The following SCAI variants were observed in gnomAD, a reference collection of about 807,000 sequenced individuals.
SCAI encodes protein SCAI.
SCAI carries 24 observed loss-of-function variants against 92.2 expected under a neutral mutation model. The ratio of observed to expected loss-of-function variants is 0.26; its 90% CI spans 0.19 to 0.37. The LOEUF is 0.37. Among genes scored for constraint, SCAI ranks in the 10% least tolerant of loss-of-function variants. SCAI has a pLI of 1.00. For missense variants in SCAI, 450 were observed against 736.2 expected (o/e 0.61, Z 4.50); for synonymous variants, 261 against 258.6 (o/e 1.01, Z -0.09).
chr9:125,086,507 T>C (rs1212673832), intron 2 of SCAI, among the ~76,000 whole-genome samples: 1 of 152,204 alleles, frequency 6.6e-6, no homozygotes, highest in Non-Finnish European at 1.5e-5. Context: ...CACCATTCAA[T>C]CTTCTGAGAA....
At chr9:125,054,899 G>A (rs1428759433) in intron 3 of SCAI, among the ~76,000 whole-genome samples, 2 of 152,112 alleles carry the variant, frequency 1.3e-5, no homozygotes, top group East Asian at 1.9e-4. Flanking sequence ...ATTTTAATGC[G>A]GGAGAGACAT....
rs367668741 is a variant in SCAI at position 124,968,682 on chromosome 9, C to T, written c.1674+2688G>A. On this transcript the variant is annotated intron_variant, in intron 17 of 17. Coordinates refer to ENST00000336505, the MANE Select transcript of SCAI (RefSeq NM_001144877.3). ...TACAGAGCCTGGGTGGCCCAAAGTT[C>T]CCGATTTCCTCAAATTCATCAAATA... is the stretch of plus-strand genomic sequence containing the variant. 7.8e-5 allele frequency: 105 copies of T among 1,347,338 alleles called. 4 individuals are homozygous for T. Among genetic ancestry groups the T allele is most frequent in the East Asian group, 4.8e-4 (21 of 43,496 alleles). 83.5% of individuals were successfully genotyped at this position (1,347,338 alleles called of 1,614,324 possible).
At chr9:125,123,934 T>C (rs1417721504) in intron 2 of SCAI, among the ~76,000 whole-genome samples, 3 of 152,156 alleles carry the variant, frequency 2.0e-5, no homozygotes, top group Non-Finnish European at 2.9e-5. Flanking sequence ...CAGGAGAATA[T>C]ATGGAGAGAG....
intron 13 of SCAI, among the ~76,000 whole-genome samples, chr9:124,999,040 A>G (rs1832303231): frequency 6.6e-6 from 1 of 152,148 alleles, no homozygotes; most frequent in African/African-American, 2.4e-5. Flanking sequence ...TAGAAACATC[A>G]TTAAGTACCC....
At chr9:124,963,226 T>A (rs1212654908) in intron 17 of SCAI, among the ~76,000 whole-genome samples, 2 of 151,694 alleles carry the variant, frequency 1.3e-5, no homozygotes, top group African/African-American at 4.8e-5. Flanking sequence ...AACCTCTGCC[T>A]CCCAGGTTCA....
chr9:124,988,870 T>C (rs1832051388), intron 14 of SCAI, among the ~76,000 whole-genome samples: 1 of 152,212 alleles, frequency 6.6e-6, no homozygotes, highest in African/African-American at 2.4e-5. Flanking sequence ...CCAGGCACAG[T>C]GGCTCACGCC....
At chr9:125,065,023 T>G (rs1478737123) in intron 2 of SCAI, among the ~76,000 whole-genome samples, 1 of 152,110 alleles carries the variant, frequency 6.6e-6, no homozygotes, top group East Asian at 1.9e-4. Context: ...GGCTGGCCTT[T>G]AAACACATAC....
intron 2 of SCAI, among the ~76,000 whole-genome samples, chr9:125,095,970 C>T (rs189347195): frequency 1.3e-5 from 2 of 152,222 alleles, no homozygotes; most frequent in East Asian, 1.9e-4. Flanking sequence ...AGTGCTCTGC[C>T]CACATTTCCT....
chr9:124,994,035 ATTTT>A (rs34546893), intron 14 of SCAI, among the ~76,000 whole-genome samples: 2 of 139,080 alleles, frequency 1.4e-5, no homozygotes, highest in African/African-American at 5.3e-5. Context: ...CACTGCTGGC[ATTTT>A]TTTTTTTTTT....
At chr9:125,007,214 A>G (rs1456890674) in intron 9 of SCAI, among the ~76,000 whole-genome samples, 1 of 152,210 alleles carries the variant, frequency 6.6e-6, no homozygotes, top group Non-Finnish European at 1.5e-5. Context: ...TATTAATATG[A>G]TAATTTTAAA....
intron 15 of SCAI, among the ~76,000 whole-genome samples, chr9:124,972,259 C>T (rs1296167381): frequency 3.3e-5 from 5 of 152,074 alleles, no homozygotes; most frequent in Admixed American, 3.3e-4. Context: ...TAGTTTCTTT[C>T]TTTGGCCCCA....
At chr9:125,120,024 G>A (rs967416608) in intron 2 of SCAI, among the ~76,000 whole-genome samples, 10 of 152,124 alleles carry the variant, frequency 6.6e-5, no homozygotes, top group Admixed American at 2.0e-4. Context: ...AACGTGACAC[G>A]TCGTTTGAGC....
intron 3 of SCAI, among the ~76,000 whole-genome samples, chr9:125,044,190 G>A (rs360194): frequency 0.024 from 3,696 of 152,190 alleles, 144 homozygotes; most frequent in African/African-American, 0.084. Context: ...TGACGAGCAT[G>A]GGAGGCGGGC....
intron 2 of SCAI, among the ~76,000 whole-genome samples, chr9:125,106,577 T>A (rs1204036615): frequency 1.3e-5 from 2 of 152,144 alleles, no homozygotes; most frequent in Non-Finnish European, 2.9e-5. Flanking sequence ...GTGTAACAAG[T>A]TGGACACATT....
At chr9:125,046,194 G>GACAT (rs1554784565) in intron 3 of SCAI, among the ~76,000 whole-genome samples, 1 of 15,526 alleles carries the variant, frequency 6.4e-5, no homozygotes, top group Admixed American at 4.5e-4. Flanking sequence ...AAGAAATTGT[G>GACAT]AGATATATAT....
chr9:124,980,295 G>A (rs1302251374), intron 14 of SCAI, among the ~76,000 whole-genome samples: 2 of 149,638 alleles, frequency 1.3e-5, no homozygotes, highest in Admixed American at 6.8e-5. Context: ...CCTTGCTAAC[G>A]AACTTCTCTC....
At chr9:125,115,747 GAATAAA>G (rs1478953226) in intron 2 of SCAI, among the ~76,000 whole-genome samples, 5 of 152,150 alleles carry the variant, frequency 3.3e-5, no homozygotes, top group African/African-American at 1.2e-4. Context: ...AAATGCAAAT[GAATAAA>G]AATAATTTAT....
Position 124,948,541 on chromosome 9 carries a change from G to A in SCAI, c.*4266C>T, listed in dbSNP as rs2131562675. The A allele has an allele frequency of 6.6e-6, 1 of 152,338 alleles. No individual in the cohort carries two copies. The highest frequency in any genetic ancestry group is 1.9e-4 in the East Asian group (1 of 5,190). 9.4% of individuals were successfully genotyped at this position (152,338 alleles called of 1,614,324 possible). ...CAGTCTGAGCTACTGAGAAGACTGG[G>A]CTGAGATGAGGAGATCTGAGTTTTA... On this transcript the variant is annotated 3_prime_UTR_variant, in exon 18 of 18. Coordinates refer to ENST00000336505, the MANE Select transcript of SCAI (RefSeq NM_001144877.3).
At chr9:124,987,372 C>G (rs1832017529) in intron 14 of SCAI, among the ~76,000 whole-genome samples, 1 of 151,988 alleles carries the variant, frequency 6.6e-6, no homozygotes, top group Non-Finnish European at 1.5e-5. Flanking sequence ...ACTACATTAC[C>G]ACAGACAAGG....
Sources: gnomAD v4.1 joint callset for allele counts (sites outside exome capture counted in the v4.1 genomes callset) on GRCh38, gnomAD v4.1.1 for gene constraint, MANE v1.5 for transcripts, NCBI Gene and HGNC (gene_info 2026-07-23, HGNC 2026-07-21) for gene names.